The following UTP20 variants were observed in gnomAD, a reference collection of about 807,000 sequenced individuals.
The protein encoded by UTP20 is small subunit processome component 20 homolog.
In UTP20, 164 loss-of-function variants were observed where a neutral mutation model predicts 329.5. That is an observed-to-expected ratio of 0.50 (90% CI 0.44 to 0.57). The LOEUF (loss-of-function observed/expected upper bound fraction) is 0.57, where lower values mean the gene tolerates loss of function less well. UTP20 is among the 20% of genes least tolerant of loss of function. UTP20 has a pLI of 0.00. For missense variants in UTP20, 3,055 were observed against 3,284.2 expected, an observed-to-expected ratio of 0.93 and a Z score of 1.71; for synonymous variants, 1,151 against 1,159.3, an observed-to-expected ratio of 0.99 and a Z score of 0.14.
rs1247300001 is a variant in UTP20, at chr12:101,381,485, G to A, written c.7656+274G>A. Among the ~76,000 whole-genome samples the A allele has an allele frequency of 2.6e-5, 4 of 151,946 alleles. No homozygotes were observed. The South Asian group carries it at 6.2e-4, about 24-fold the overall frequency. On this transcript the variant is annotated intron_variant, in intron 58 of 61. Coordinates refer to ENST00000261637, the MANE Select transcript of UTP20 (RefSeq NM_014503.3). The stretch of plus-strand genomic sequence containing the variant: ...TGGGAGGCGGAGGATGCAGTAAGCC[G>A]AAATCACGCCACTGCACTCCATCCT...
chr12:101,291,690 A>G lies in UTP20; in HGVS notation c.892-52A>G, dbSNP rs552483631. On this transcript the variant is annotated intron_variant, in intron 8 of 61. Coordinates refer to ENST00000261637, the MANE Select transcript of UTP20 (RefSeq NM_014503.3). Reference sequence around the variant, plus strand: ...GTCCCACAGTTTTTATTGTTGGATTAACAGTTGAGTTTGATACTTTATATT... The same window carrying G: ...GTCCCACAGTTTTTATTGTTGGATTGACAGTTGAGTTTGATACTTTATATT... 9.4e-6 allele frequency: 14 copies of G among 1,491,968 alleles called. No individual in the cohort carries two copies. In the Admixed American group the frequency reaches 1.6e-4, roughly 17 times the overall value. The allele number at this position is 1,491,968 out of a possible 1,614,324, so 92.4% of individuals were successfully genotyped here.
At chr12:101,375,586 T>G in intron 55 of UTP20, 38 bp from the exon 56 acceptor site, 1 of 1,604,120 alleles carries the variant, frequency 6.2e-7, no homozygotes, top group Non-Finnish European at 8.5e-7. Flanking sequence ...TACTTTCAGA[T>G]TGTTGTTTTC....
Position 101,308,251 on chromosome 12 carries a change from A to G in UTP20, c.2062A>G (p.Thr688Ala). ...ACGCCAGGCAGAACTTGTTCCAGCA[A>G]CTGTGAATGATTATAGAGAGAAGCT... ...ILRQAELVPA[T>A]VNDYREKLLH... Residue 688 changes from threonine to alanine, a missense_variant, in exon 18 of 62, where the codon ACT becomes GCT. This residue lies in a region of UTP20 where 2,445 missense variants were observed against 2,575.5 expected (regional missense o/e 0.95). Transcript: ENST00000261637. 4.3e-6 allele frequency: 7 copies of G among 1,613,370 alleles called. No individual in the cohort carries two copies. The highest frequency in any genetic ancestry group is 1.1e-5 in the South Asian group (1 of 90,950).
chr12:101,305,346 A>G (rs934598895), intron 15 of UTP20, among the ~76,000 whole-genome samples: 1 of 151,642 alleles, frequency 6.6e-6, no homozygotes, highest in Non-Finnish European at 1.5e-5. Context: ...TAGGTACTCA[A>G]TGAATATTTG....
chr12:101,300,860 C>T (rs1253063027), intron 14 of UTP20, among the ~76,000 whole-genome samples: 3 of 152,128 alleles, frequency 2.0e-5, no homozygotes, highest in African/African-American at 7.2e-5. Context: ...GGCTACTGTA[C>T]TGGATTGTGG....
rs776272918 is a variant in UTP20 at position 101,379,475 on chromosome 12, C to A, written c.7501C>A (p.Gln2501Lys). The stretch of plus-strand genomic sequence containing the variant: ...CTCTTGCCAGCCAGAGGAGCTTATT[C>A]AAAAATGGAATACCAAAAAGACCAA... ...FASCQPEELI[Q>K]KWNTKKTKKH... The change falls in exon 57 of 62, where the codon CAA becomes AAA. Residue 2501 changes from glutamine to lysine, a missense_variant. Coordinates refer to ENST00000261637, the MANE Select transcript of UTP20 (RefSeq NM_014503.3). 2 of 1,614,074 alleles carry A rather than the reference C, an allele frequency of 1.2e-6. No individual in the cohort carries two copies. Among genetic ancestry groups the A allele is most frequent in the South Asian group, 2.2e-5 (2 of 91,064 alleles).
intron 2 of UTP20, among the ~76,000 whole-genome samples, chr12:101,283,090 A>G (rs1871851387): frequency 6.6e-6 from 1 of 152,244 alleles, no homozygotes; most frequent in Non-Finnish European, 1.5e-5. Context: ...AGATGTTTGT[A>G]TATATGGATC....
Position 101,361,956 on chromosome 12 carries a change from TG to T in UTP20, c.5692-5del. The T allele has an allele frequency of 6.2e-7, 1 of 1,611,408 alleles. No individual in the cohort carries two copies. Among genetic ancestry groups the T allele is most frequent in the Non-Finnish European group, 8.5e-7 (1 of 1,177,712 alleles). ...ATTCATGTTGTTGCTGTGTGTCTCA[TG>T]TTAGGTCCATGTGCTGACTTTCACC... On this transcript the variant is annotated splice_region_variant and splice_polypyrimidine_tract_variant and intron_variant, in intron 43 of 61. Transcript: ENST00000261637.
intron 43 of UTP20, among the ~76,000 whole-genome samples, chr12:101,358,314 C>G (rs1205017617): frequency 6.6e-6 from 1 of 152,192 alleles, no homozygotes. Flanking sequence ...GCCCTTCACC[C>G]TTTGTATTAT....
At chr12:101,289,248 G>A (rs11110736) in intron 6 of UTP20, among the ~76,000 whole-genome samples, 2,650 of 152,008 alleles carry the variant, frequency 0.017, 28 homozygotes, top group Non-Finnish European at 0.028. Context: ...GTGGTGGCGC[G>A]CACCTGTATC....
chr12:101,379,067 CTT>C (rs1249655462), intron 56 of UTP20, among the ~76,000 whole-genome samples: 2 of 152,194 alleles, frequency 1.3e-5, no homozygotes, highest in Admixed American at 6.5e-5. Context: ...TTTATTCTCT[CTT>C]TGTGTTGGGA....
In UTP20 at chr12:101,383,108, A is replaced by G. The variant is rs1222919546; in HGVS notation, c.7724A>G (p.Gln2575Arg). 3 of 1,613,778 alleles carry G rather than the reference A, an allele frequency of 1.9e-6. No individual in the cohort carries two copies. The highest frequency in any genetic ancestry group is 2.7e-5 in the African/African-American group (2 of 74,884). The change falls in exon 59 of 62, where the codon CAA becomes CGA. Residue 2575 changes from glutamine to arginine, a missense_variant. Physicochemically the swap from Gln to Arg is conservative, Grantham distance 43. This residue lies in a region of UTP20 where 337 missense variants were observed against 345.5 expected (regional missense o/e 0.98). Transcript: ENST00000261637. ...CTGGAACTTTATTGTGAGGATAAGC[A>G]AAGTAAGATAAAAGAAGACCTGGAA... ...YLLELYCEDK[Q>R]SKIKEDLEEQ...
intron 29 of UTP20, among the ~76,000 whole-genome samples, chr12:101,335,614 C>T (rs1414694592): frequency 1.3e-5 from 2 of 152,172 alleles, no homozygotes; most frequent in African/African-American, 4.8e-5. Context: ...ATTCAGCTCT[C>T]ATGGTCAGAA....
intron 8 of UTP20, 82 bp downstream of exon 8, chr12:101,290,970 C>A (rs1872125734): frequency 4.3e-6 from 6 of 1,391,632 alleles, no homozygotes; most frequent in Non-Finnish European, 5.9e-6. Flanking sequence ...GCAAATCACT[C>A]CTAGAAGTTA....
chr12:101,374,781 C>A, intron 54 of UTP20, 27 bp from the exon 55 acceptor site: 1 of 887,750 alleles, frequency 1.1e-6, no homozygotes, highest in South Asian at 1.3e-5. Context: ...GTTCTCTTGA[C>A]ATTGTCTTGT....
At chr12:101,301,770 T>A (rs1439108167) in intron 14 of UTP20, among the ~76,000 whole-genome samples, 1 of 152,110 alleles carries the variant, frequency 6.6e-6, no homozygotes, top group Non-Finnish European at 1.5e-5. Context: ...AATCAACAAG[T>A]TTTATACCAA....
At chr12:101,345,789 A>G in intron 37 of UTP20, 95 bp downstream of exon 37, 1 of 1,209,482 alleles carries the variant, frequency 8.3e-7, no homozygotes, top group Non-Finnish European at 1.1e-6. Flanking sequence ...TAACTTTCCA[A>G]AAAGGTTTAA....
chr12:101,282,089 C>G (rs1871817519), intron 2 of UTP20, among the ~76,000 whole-genome samples: 1 of 152,166 alleles, frequency 6.6e-6, no homozygotes, highest in South Asian at 2.1e-4. Flanking sequence ...ATGCCTATAC[C>G]TTGGCGATCC....
At chr12:101,383,451 A>G (rs1565810839) in intron 59 of UTP20, 92 bp from the exon 60 acceptor site, 8 of 1,533,372 alleles carry the variant, frequency 5.2e-6, no homozygotes, top group Non-Finnish European at 7.0e-6. Flanking sequence ...GTCCCAAAAT[A>G]GACTGAGCCC....
Sources: gnomAD v4.1 joint callset for allele counts (sites outside exome capture counted in the v4.1 genomes callset) on GRCh38, gnomAD v4.1.1 for gene constraint, gnomAD v4.1.1 regional missense constraint, MANE v1.5 for transcripts, NCBI Gene and HGNC (gene_info 2026-07-23, HGNC 2026-07-21) for gene names.